Variants in RELN observed in about 807,000 individuals in gnomAD.
RELN encodes the protein reelin.
A neutral mutation model predicts 427.6 loss-of-function variants in RELN; 108 were observed. That is an observed-to-expected ratio of 0.25 (90% CI 0.22 to 0.30). The LOEUF (loss-of-function observed/expected upper bound fraction) is 0.30, where lower values mean the gene tolerates loss of function less well. RELN is among the 10% of genes least tolerant of loss of function. RELN has a pLI of 1.00. For missense variants in RELN, 3,715 were observed against 4,302.8 expected (o/e 0.86, Z 3.82); for synonymous variants, 1,524 against 1,513.4 (o/e 1.01, Z -0.16).
intron 6 of RELN, among the ~76,000 whole-genome samples, chr7:103,737,400 A>G (rs1790521258): frequency 6.6e-6 from 1 of 152,192 alleles, no homozygotes; most frequent in Non-Finnish European, 1.5e-5. Flanking sequence ...TTACCTAGAA[A>G]ATCCACTTAT....
At chr7:103,791,388 AT>A (rs1326880598) in intron 3 of RELN, among the ~76,000 whole-genome samples, 6 of 152,228 alleles carry the variant, frequency 3.9e-5, no homozygotes, top group African/African-American at 1.4e-4. Context: ...TGATACTGCC[AT>A]AAAAACAGAT....
rs1833429947 is a variant in RELN, at chr7:103,673,060, CAAA to C, written c.1289+9053_1289+9055del. ...AAGGGCAAATATACAGCTTATTTTT[CAAA>C]ACTTACTGTGAGAATCTCATTTAAT... is the stretch of plus-strand genomic sequence containing the variant. On this transcript the variant is annotated intron_variant, in intron 11 of 64. Coordinates refer to ENST00000428762, the MANE Select transcript of RELN (RefSeq NM_005045.4). Among the ~76,000 whole-genome samples, 2 of 152,032 alleles carry C rather than the reference CAAA, an allele frequency of 1.3e-5. 1 individual carries two copies. Among genetic ancestry groups the C allele is most frequent in the South Asian group, 4.1e-4 (2 of 4,830 alleles).
chr7:103,474,359 AT>A (rs1351890590), intron 64 of RELN, among the ~76,000 whole-genome samples: 3 of 152,208 alleles, frequency 2.0e-5, no homozygotes, highest in Non-Finnish European at 2.9e-5. Context: ...TTTCAATAAT[AT>A]CAAAATGCTA....
intron 41 of RELN, among the ~76,000 whole-genome samples, chr7:103,546,489 T>C (rs1350261153): frequency 6.6e-6 from 1 of 152,218 alleles, no homozygotes; most frequent in Non-Finnish European, 1.5e-5. Flanking sequence ...CTTAAATACA[T>C]GTTTTCAATT....
chr7:103,834,093 T>C (rs1793342358), intron 2 of RELN, among the ~76,000 whole-genome samples: 1 of 152,142 alleles, frequency 6.6e-6, no homozygotes. Context: ...TGTGTTAGGT[T>C]ATTTCAGAGG....
At chr7:103,668,592 T>A (rs1035809163) in intron 11 of RELN, among the ~76,000 whole-genome samples, 1 of 152,194 alleles carries the variant, frequency 6.6e-6, no homozygotes, top group African/African-American at 2.4e-5. Context: ...CCATCCCAGT[T>A]TGTAATAGAT....
intron 61 of RELN, among the ~76,000 whole-genome samples, chr7:103,485,229 C>CAAAA (rs35324403): frequency 4.1e-5 from 4 of 96,484 alleles, no homozygotes; most frequent in Admixed American, 1.3e-4. Flanking sequence ...TTTGGCAGGC[C>CAAAA]AAAAAAAAAA....
intron 1 of RELN, among the ~76,000 whole-genome samples, chr7:103,943,511 G>A (rs969466748): frequency 6.6e-6 from 1 of 152,104 alleles, no homozygotes; most frequent in Non-Finnish European, 1.5e-5. Context: ...ACCCTCCAGA[G>A]AAGTGTTAGG....
rs192985998 is a variant in RELN at position 103,909,970 on chromosome 7, G to A, written c.337+7105C>T. On this transcript the variant is annotated intron_variant, in intron 2 of 64. Coordinates refer to ENST00000428762, the MANE Select transcript of RELN (RefSeq NM_005045.4). ...GCAGAAAGTCATTGGTAGCTTGATG[G>A]GGATGGCATTGAATCTGTAAATTAC... 8.9e-3 allele frequency among the ~76,000 whole-genome samples: 1,264 copies of A among 141,978 alleles called. 20 individuals are homozygous for A. The highest frequency in any genetic ancestry group is 0.031 in the African/African-American group (1,175 of 37,698). 93.1% of individuals were successfully genotyped at this position (141,978 alleles called of 152,430 possible).
chr7:103,937,816 G>C (rs891700446), intron 1 of RELN, among the ~76,000 whole-genome samples: 29 of 152,188 alleles, frequency 1.9e-4, no homozygotes, highest in African/African-American at 6.5e-4. Flanking sequence ...CAGGTTAGCT[G>C]TTCGTGTAAC....
Position 103,565,463 on chromosome 7 carries a change from G to C in RELN, c.5025C>G (p.Pro1675=). 1 of 1,613,826 alleles carries C rather than the reference G, an allele frequency of 6.2e-7. No homozygotes were observed. Among genetic ancestry groups the C allele is most frequent in the Non-Finnish European group, 8.5e-7 (1 of 1,179,918 alleles). The change falls in exon 34 of 65, where the codon CCC becomes CCG. Residue 1675 remains proline (P), a synonymous_variant. Coordinates refer to ENST00000428762, the MANE Select transcript of RELN (RefSeq NM_005045.4). ...QFEMSMGCSK[P]FSNSHSVQLQ... ...GCTGTACACTGTGGGAGTTGCTGAAGGGCTTGCTACAGCCCATGCTCATTT... is the reference window on the plus strand; with the variant it reads ...GCTGTACACTGTGGGAGTTGCTGAACGGCTTGCTACAGCCCATGCTCATTT...
intron 1 of RELN, among the ~76,000 whole-genome samples, chr7:103,938,987 G>A (rs1189571680): frequency 1.3e-5 from 2 of 151,200 alleles, no homozygotes; most frequent in African/African-American, 4.9e-5. Flanking sequence ...TTGTTGCCCA[G>A]GCTGTATGTA....
At chr7:103,851,783 G>A (rs986355244) in intron 2 of RELN, among the ~76,000 whole-genome samples, 3 of 152,144 alleles carry the variant, frequency 2.0e-5, no homozygotes, top group African/African-American at 7.2e-5. Flanking sequence ...CCAAATAGCT[G>A]TATGCTCCTA....
intron 1 of RELN, among the ~76,000 whole-genome samples, chr7:103,986,469 T>A (rs1797099103): frequency 1.3e-5 from 2 of 152,106 alleles, no homozygotes; most frequent in South Asian, 4.1e-4. Context: ...GACCTATAAT[T>A]GTGAACCACT....
intron 7 of RELN, among the ~76,000 whole-genome samples, chr7:103,724,376 C>T (rs181553270): frequency 9.9e-5 from 15 of 152,076 alleles, no homozygotes; most frequent in Admixed American, 7.9e-4. Flanking sequence ...CTTGCTCTGT[C>T]GGAATTCAGT....
chr7:103,865,657 T>C (rs541993202), intron 2 of RELN, among the ~76,000 whole-genome samples: 14 of 152,274 alleles, frequency 9.2e-5, no homozygotes. Flanking sequence ...AATCACGTGA[T>C]CATCACGATA....
intron 8 of RELN, among the ~76,000 whole-genome samples, chr7:103,703,388 G>C (rs1465843312): frequency 6.6e-6 from 1 of 152,176 alleles, no homozygotes; most frequent in Non-Finnish European, 1.5e-5. Flanking sequence ...CTCTGTTCTT[G>C]CCCAGATGGA....
intron 11 of RELN, 98 bp from the exon 12 acceptor site, chr7:103,661,625 T>A: frequency 9.4e-7 from 1 of 1,062,400 alleles, no homozygotes; most frequent in Non-Finnish European, 1.4e-6. Flanking sequence ...CTTACTTACT[T>A]AGTAATGAAT....
chr7:103,864,140 C>T (rs1312457077), intron 2 of RELN, among the ~76,000 whole-genome samples: 2 of 152,140 alleles, frequency 1.3e-5, no homozygotes, highest in African/African-American at 4.8e-5. Flanking sequence ...TTTTACTCTT[C>T]TGTCTCTGTC....
Sources: gnomAD v4.1 joint callset for allele counts (sites outside exome capture counted in the v4.1 genomes callset) on GRCh38, gnomAD v4.1.1 for gene constraint, MANE v1.5 for transcripts, NCBI Gene and HGNC (gene_info 2026-07-23, HGNC 2026-07-21) for gene names.